Variants in GRIK1 observed in about 807,000 individuals in gnomAD.
GRIK1 encodes glutamate receptor ionotropic, kainate 1.
A neutral mutation model predicts 105.7 loss-of-function variants in GRIK1; 69 were observed. The observed-to-expected ratio is 0.65, with a 90% confidence interval of 0.54 to 0.80. The LOEUF is 0.80. GRIK1 is among the 30% of genes least tolerant of loss of function. GRIK1 has a pLI of 0.00. For missense variants in GRIK1, 1,109 were observed against 1,167.3 expected (o/e 0.95, Z 0.73); for synonymous variants, 438 against 431.3 (o/e 1.02, Z -0.19).
chr21:29,857,773 T>C (rs973443458), intron 1 of GRIK1, among the ~76,000 whole-genome samples: 14 of 152,224 alleles, frequency 9.2e-5, no homozygotes, highest in Admixed American at 2.0e-4. Flanking sequence ...TTTCTTTGGA[T>C]CTAACTTGGC....
intron 4 of GRIK1, among the ~76,000 whole-genome samples, chr21:29,670,158 T>G (rs772571958): frequency 3.9e-5 from 6 of 152,164 alleles, no homozygotes; most frequent in Non-Finnish European, 8.8e-5. Flanking sequence ...CTCCAAAATA[T>G]TTGCAGATTA....
chr21:29,564,357 C>A (rs1346818374), intron 14 of GRIK1, among the ~76,000 whole-genome samples: 1 of 152,046 alleles, frequency 6.6e-6, no homozygotes, highest in African/African-American at 2.4e-5. Context: ...CCGTTTTAGC[C>A]GGGATGGTCT....
At chr21:29,596,244 A>G (rs373759091) in intron 9 of GRIK1, 3 of 520,064 alleles carry the variant, frequency 5.8e-6, no homozygotes, top group Admixed American at 2.7e-5. Flanking sequence ...CCTGCTTTCA[A>G]TCCTAACAAG....
intron 1 of GRIK1, among the ~76,000 whole-genome samples, chr21:29,712,073 TATAC>T (rs58899912): frequency 2.6e-3 from 249 of 95,838 alleles, no homozygotes; most frequent in African/African-American, 8.4e-3. Context: ...TAAGTATATG[TATAC>T]ATACATACAC....
At chr21:29,607,969 A>G (rs1034329505) in intron 7 of GRIK1, among the ~76,000 whole-genome samples, 1 of 152,166 alleles carries the variant, frequency 6.6e-6, no homozygotes, top group Non-Finnish European at 1.5e-5. Flanking sequence ...ATTACGTTTC[A>G]GATCGTGAGC....
intron 1 of GRIK1, chr21:29,761,246 C>T (rs1056223963): frequency 2.0e-5 from 3 of 152,252 alleles, no homozygotes; most frequent in Admixed American, 1.3e-4. Flanking sequence ...ACTCATTGCA[C>T]TTGCACTTAG....
intron 7 of GRIK1, among the ~76,000 whole-genome samples, chr21:29,600,046 A>G (rs1172243087): frequency 1.3e-5 from 2 of 152,146 alleles, no homozygotes; most frequent in Admixed American, 1.3e-4. Flanking sequence ...AGATTATGCC[A>G]TTGCACTCCA....
At chr21:29,679,633 C>A (rs2063334686) in intron 3 of GRIK1, among the ~76,000 whole-genome samples, 1 of 152,310 alleles carries the variant, frequency 6.6e-6, no homozygotes, top group East Asian at 1.9e-4. Context: ...ACTAGTTCCA[C>A]CTATAACCTG....
chr21:29,750,899 C>G (rs908420484), intron 1 of GRIK1, among the ~76,000 whole-genome samples: 3 of 152,290 alleles, frequency 2.0e-5, no homozygotes, highest in Non-Finnish European at 4.4e-5. Flanking sequence ...TTTTTAATCA[C>G]CTGGGTGCAG....
chr21:29,798,239 G>C (rs764960769), intron 1 of GRIK1, among the ~76,000 whole-genome samples: 2 of 152,140 alleles, frequency 1.3e-5, no homozygotes, highest in Non-Finnish European at 2.9e-5. Context: ...CAAGGATACT[G>C]CTGCTAAAAA....
chr21:29,663,098 TTATAGA>T (rs1354087708), intron 4 of GRIK1, among the ~76,000 whole-genome samples: 7 of 152,282 alleles, frequency 4.6e-5, no homozygotes, highest in Admixed American at 4.6e-4. Flanking sequence ...TATTCCTAAT[TTATAGA>T]TTTTAGAGAT....
intron 1 of GRIK1, among the ~76,000 whole-genome samples, chr21:29,809,016 A>C (rs1216069087): frequency 6.6e-6 from 1 of 152,184 alleles, no homozygotes; most frequent in Non-Finnish European, 1.5e-5. Context: ...TTTTCCCTCA[A>C]GTCAAACTTT....
chr21:29,562,539 C>A (rs184807888), intron 14 of GRIK1, among the ~76,000 whole-genome samples: 2 of 152,172 alleles, frequency 1.3e-5, no homozygotes, highest in African/African-American at 4.8e-5. Context: ...CCTGTAATCC[C>A]AGCTACTCAG....
chr21:29,709,931 A>G (rs1426883477), intron 1 of GRIK1, among the ~76,000 whole-genome samples: 1 of 151,970 alleles, frequency 6.6e-6, no homozygotes, highest in Non-Finnish European at 1.5e-5. Flanking sequence ...TAGAATTTTC[A>G]GAGTAAGAAA....
chr21:29,740,170 G>C (rs1191900704), intron 1 of GRIK1, among the ~76,000 whole-genome samples: 1 of 151,446 alleles, frequency 6.6e-6, no homozygotes, highest in Non-Finnish European at 1.5e-5. Flanking sequence ...CCCCCACATG[G>C]TCCTTATCAC....
intron 1 of GRIK1, among the ~76,000 whole-genome samples, chr21:29,706,082 C>T (rs1184459482): frequency 6.6e-6 from 1 of 152,040 alleles, no homozygotes; most frequent in Non-Finnish European, 1.5e-5. Context: ...CCATGTTGGC[C>T]AGGCTGGTCT....
chr21:29,820,585 C>A (rs1397482730), intron 1 of GRIK1, among the ~76,000 whole-genome samples: 2 of 151,984 alleles, frequency 1.3e-5, no homozygotes, highest in Admixed American at 1.3e-4. Context: ...AAAATCACTG[C>A]AAGAGAGTGA....
chr21:29,734,240 T>C (rs920322779), intron 1 of GRIK1, among the ~76,000 whole-genome samples: 1 of 152,202 alleles, frequency 6.6e-6, no homozygotes, highest in African/African-American at 2.4e-5. Context: ...TCTAGAATTA[T>C]GGCTTAGCCT....
At chr21:29,711,289 C>G (rs1007885221) in intron 1 of GRIK1, among the ~76,000 whole-genome samples, 1 of 151,978 alleles carries the variant, frequency 6.6e-6, no homozygotes, top group Admixed American at 6.6e-5. Flanking sequence ...TATATAAATA[C>G]CATTGTGTTA....
Sources: gnomAD v4.1 joint callset for allele counts (sites outside exome capture counted in the v4.1 genomes callset) on GRCh38, gnomAD v4.1.1 for gene constraint, MANE v1.5 for transcripts, NCBI Gene and HGNC (gene_info 2026-07-23, HGNC 2026-07-21) for gene names.